Variants in SSBP2 observed in about 807,000 individuals in gnomAD.
SSBP2 encodes single-stranded DNA-binding protein 2.
In SSBP2, 17 loss-of-function variants were observed where a neutral mutation model predicts 61.8. The ratio of observed to expected loss-of-function variants is 0.28; its 90% CI spans 0.19 to 0.41. The LOEUF (loss-of-function observed/expected upper bound fraction) is 0.41, where lower values mean the gene tolerates loss of function less well. Among genes scored for constraint, SSBP2 ranks in the 10% least tolerant of loss-of-function variants. The pLI is 1.00. For synonymous variants in SSBP2, 139 were observed against 141.3 expected (o/e 0.98, Z 0.12); for missense variants, 310 against 458.7 (o/e 0.68, Z 2.96).
intron 2 of SSBP2, among the ~76,000 whole-genome samples, chr5:81,646,294 C>T (rs1445661805): frequency 1.3e-5 from 2 of 152,092 alleles, no homozygotes; most frequent in African/African-American, 4.8e-5. Context: ...CTCCTTGAAC[C>T]AGGGTGAGAA....
intron 4 of SSBP2, among the ~76,000 whole-genome samples, chr5:81,580,832 G>C (rs569319396): frequency 2.0e-5 from 3 of 151,696 alleles, no homozygotes; most frequent in African/African-American, 7.3e-5. Flanking sequence ...TGATTTCAAA[G>C]TGCTCAGCTT....
At chr5:81,437,188 A>G (rs1762726545) in intron 15 of SSBP2, among the ~76,000 whole-genome samples, 2 of 152,122 alleles carry the variant, frequency 1.3e-5, no homozygotes, top group African/African-American at 4.8e-5. Context: ...GTCAACTAAT[A>G]ATGTATAGTA....
Position 81,420,382 on chromosome 5 carries a change from G to T in SSBP2, c.*122C>A, listed in dbSNP as rs1761522870. The T allele has an allele frequency of 2.2e-6, 2 of 910,818 alleles. No individual in the cohort carries two copies. Among genetic ancestry groups the T allele is most frequent in the East Asian group, 5.1e-5 (2 of 38,890 alleles). The allele number at this position is 910,818 out of a possible 1,614,324, so 56.4% of individuals were successfully genotyped here. On this transcript the variant is annotated 3_prime_UTR_variant, in exon 17 of 17. Transcript: ENST00000320672. The stretch of plus-strand genomic sequence containing the variant: ...AGGGGAGAGAGCAGGAAATAAAAAG[G>T]TTGGTTTGGTGTGACTGAGATTCCT...
intron 9 of SSBP2, among the ~76,000 whole-genome samples, chr5:81,463,470 C>CGG (rs1370328434): frequency 6.6e-6 from 1 of 152,056 alleles, no homozygotes. Context: ...GAGGCCGAGG[C>CGG]GGGGGGACCA....
intron 1 of SSBP2, among the ~76,000 whole-genome samples, chr5:81,730,642 CATAAT>C (rs1207576038): frequency 1.3e-5 from 2 of 152,178 alleles, no homozygotes; most frequent in Non-Finnish European, 2.9e-5. Flanking sequence ...TAATATAAGT[CATAAT>C]ATAAATTATA....
rs1013545614 is a variant in SSBP2 at position 81,717,310 on chromosome 5, T to C, written c.62+33671A>G. On this transcript the variant is annotated intron_variant, in intron 1 of 16. Coordinates refer to ENST00000320672, the MANE Select transcript of SSBP2 (RefSeq NM_012446.5). ...AGAGCTCCTCAGCTCCAGTCCACTA[T>C]ATGTACAGCATCTATCCGTAACATA... Among the ~76,000 whole-genome samples the C allele has an allele frequency of 2.0e-5, 3 of 152,266 alleles. No homozygotes were observed. The South Asian group carries it at 6.2e-4, about 32-fold the overall frequency.
chr5:81,709,190 T>C (rs1362168390), intron 1 of SSBP2, among the ~76,000 whole-genome samples: 1 of 152,126 alleles, frequency 6.6e-6, no homozygotes, highest in East Asian at 1.9e-4. Context: ...GTCGACACTA[T>C]TAAAGTCTGG....
chr5:81,492,187 A>G (rs1766904632), intron 5 of SSBP2, among the ~76,000 whole-genome samples: 1 of 152,210 alleles, frequency 6.6e-6, no homozygotes, highest in African/African-American at 2.4e-5. Flanking sequence ...CTGCTTTAGC[A>G]ATCTGAGAAG....
At chr5:81,456,249 C>T (rs545735635) in intron 10 of SSBP2, among the ~76,000 whole-genome samples, 2 of 152,036 alleles carry the variant, frequency 1.3e-5, no homozygotes, top group South Asian at 2.1e-4. Flanking sequence ...GACAAGTGAG[C>T]GAATTAATGA....
chr5:81,666,846 G>C (rs1035616927), intron 1 of SSBP2, among the ~76,000 whole-genome samples: 2 of 152,242 alleles, frequency 1.3e-5, no homozygotes, highest in East Asian at 3.9e-4. Flanking sequence ...CTCACAGAGA[G>C]CATATTGTCC....
chr5:81,572,940 A>T (rs1357694664), intron 4 of SSBP2, among the ~76,000 whole-genome samples: 4 of 152,192 alleles, frequency 2.6e-5, no homozygotes, highest in Non-Finnish European at 5.9e-5. Context: ...ATCTGGTCTG[A>T]TTCCAAGATC....
At chr5:81,647,113 C>T (rs1329195114) in intron 2 of SSBP2, among the ~76,000 whole-genome samples, 3 of 152,080 alleles carry the variant, frequency 2.0e-5, no homozygotes, top group East Asian at 3.8e-4. Context: ...AGATAATTTA[C>T]GAGAATATAT....
At chr5:81,517,476 T>G (rs1436073916) in intron 4 of SSBP2, among the ~76,000 whole-genome samples, 3 of 151,800 alleles carry the variant, frequency 2.0e-5, no homozygotes, top group African/African-American at 7.2e-5. Flanking sequence ...TATTTTAAAT[T>G]TGGTGTTCTC....
chr5:81,684,203 T>A (rs1232435619), intron 1 of SSBP2, among the ~76,000 whole-genome samples: 1 of 152,210 alleles, frequency 6.6e-6, no homozygotes, highest in Admixed American at 6.5e-5. Context: ...CAACCAAGAT[T>A]CTTCAGTAGG....
chr5:81,707,996 G>T (rs1197785102), intron 1 of SSBP2, among the ~76,000 whole-genome samples: 2 of 152,140 alleles, frequency 1.3e-5, no homozygotes, highest in Non-Finnish European at 2.9e-5. Context: ...CCTCAAAAAT[G>T]AGAGCTAATG....
intron 4 of SSBP2, among the ~76,000 whole-genome samples, chr5:81,572,288 A>G (rs1051012280): frequency 3.9e-5 from 6 of 152,214 alleles, no homozygotes; most frequent in Non-Finnish European, 7.4e-5. Context: ...GAATTGAGAA[A>G]TAAATCTGTT....
chr5:81,678,875 C>T (rs966919775), intron 1 of SSBP2, among the ~76,000 whole-genome samples: 1 of 152,018 alleles, frequency 6.6e-6, no homozygotes, highest in South Asian at 2.1e-4. Flanking sequence ...TTGTTGCCAG[C>T]AGACCTACTT....
chr5:81,473,227 T>C (rs7726660), intron 8 of SSBP2, among the ~76,000 whole-genome samples: 2,602 of 152,322 alleles, frequency 0.017, 72 homozygotes, highest in African/African-American at 0.059. Context: ...TTTTTCTCAG[T>C]GTTCAGTTTT....
intron 4 of SSBP2, among the ~76,000 whole-genome samples, chr5:81,595,187 C>T (rs750674819): frequency 2.0e-5 from 3 of 152,092 alleles, no homozygotes; most frequent in Non-Finnish European, 4.4e-5. Context: ...GAAATACAAC[C>T]TACCATCAGA....
Sources: allele counts gnomAD v4.1 joint callset (sites outside exome capture counted in the v4.1 genomes callset), GRCh38; gene constraint gnomAD v4.1.1; transcripts MANE v1.5; gene names NCBI Gene and HGNC (gene_info 2026-07-23, HGNC 2026-07-21).